The following CALN1 variants were observed in gnomAD, a reference collection of about 807,000 sequenced individuals.
CALN1 encodes calneuron 1.
Under a neutral mutation model 30.6 loss-of-function variants are expected in CALN1, and 17 were observed. The observed-to-expected ratio is 0.56, with a 90% CI of 0.38 to 0.83. The LOEUF (loss-of-function observed/expected upper bound fraction) is 0.83, where lower values mean the gene tolerates loss of function less well. Ranked by LOEUF, CALN1 falls within the 40% of genes least tolerant of loss-of-function variation. The probability of loss-of-function intolerance (pLI) is 0.00; values close to 1 mark genes in which losing one functional copy is unlikely to be tolerated. For missense variants in CALN1, 291 were observed against 354.9 expected (o/e 0.82, Z 1.45); for synonymous variants, 156 against 131.4 (o/e 1.19, Z -1.28).
chr7:72,499,834 TTTC>T, the CALN1 span, among the ~76,000 whole-genome samples: 52 of 29,246 alleles, frequency 1.8e-3, no homozygotes, highest in Middle Eastern at 0.012. Flanking sequence ...TCCTTCTTTC[TTTC>T]TTTCTTTCTT....
At chr7:72,337,433 C>G (rs1438634424) in intron 2 of CALN1, among the ~76,000 whole-genome samples, 2 of 152,158 alleles carry the variant, frequency 1.3e-5, no homozygotes, top group African/African-American at 4.8e-5. Context: ...CACACACACA[C>G]ACACACACGC....
intron 2 of CALN1, among the ~76,000 whole-genome samples, chr7:72,384,542 G>A (rs1211933914): frequency 6.6e-6 from 1 of 152,130 alleles, no homozygotes; most frequent in African/African-American, 2.4e-5. Context: ...GTTGACAGGG[G>A]AGGATTGCTT....
At chr7:72,413,199 A>ACT (rs888896046), upstream of CALN1, among the ~76,000 whole-genome samples, 9 of 145,122 alleles carry the variant, frequency 6.2e-5, no homozygotes, top group African/African-American at 2.4e-4. Context: ...GTGCCCACCC[A>ACT]CTCACACACA....
the CALN1 span, among the ~76,000 whole-genome samples, chr7:72,468,876 C>CA: frequency 6.6e-6 from 1 of 152,138 alleles, no homozygotes; most frequent in South Asian, 2.1e-4. Flanking sequence ...AATGCCTGTT[C>CA]AAATCCTTTG....
chr7:72,396,467 G>A (rs996592800), intron 2 of CALN1, among the ~76,000 whole-genome samples: 4 of 150,964 alleles, frequency 2.6e-5, no homozygotes, highest in African/African-American at 9.7e-5. Context: ...ATAGAGCAAT[G>A]TATGCAATTT....
intron 5 of CALN1, among the ~76,000 whole-genome samples, chr7:71,878,013 G>T (rs1034747884): frequency 6.6e-6 from 1 of 152,188 alleles, no homozygotes; most frequent in Non-Finnish European, 1.5e-5. Flanking sequence ...CAGTAAGTCT[G>T]GAGTGGAGCC....
At chr7:72,220,283 C>A (rs1238673896) in intron 3 of CALN1, among the ~76,000 whole-genome samples, 1 of 148,468 alleles carries the variant, frequency 6.7e-6, no homozygotes, top group East Asian at 2.0e-4. Flanking sequence ...TGAGTGAGAA[C>A]ATGTGGTGTT....
intron 5 of CALN1, among the ~76,000 whole-genome samples, chr7:71,839,389 C>T (rs529282704): frequency 3.9e-5 from 6 of 152,100 alleles, no homozygotes; most frequent in Admixed American, 6.5e-5. Context: ...AAAAGTAGCT[C>T]GGCATGGTGG....
rs1404658884 is a variant in CALN1, at chr7:71,781,032, AAG to A, written c.*6741_*6742del. ...TTCATTTACAGACAGCGGACACCAA[AAG>A]AGAGACTTTATCACAACTGCCTCTT... On this transcript the variant is annotated 3_prime_UTR_variant, in exon 7 of 7. Coordinates refer to ENST00000395275, the MANE Select transcript of CALN1 (RefSeq NM_031468.4). The A allele has an allele frequency of 1.6e-4, 24 of 152,204 alleles. No individual in the cohort carries two copies. The highest frequency in any genetic ancestry group is 5.8e-4 in the African/African-American group (24 of 41,444). The allele number at this position is 152,204 out of a possible 1,614,324, so 9.4% of individuals were successfully genotyped here. A position where few individuals can be genotyped will look rare whatever the true frequency, so the allele number is the denominator to read the frequency against.
chr7:72,335,838 C>A (rs1207912083), intron 2 of CALN1, among the ~76,000 whole-genome samples: 2 of 152,296 alleles, frequency 1.3e-5, no homozygotes, highest in Non-Finnish European at 1.5e-5. Flanking sequence ...GTACCCCCAG[C>A]CCGTCTGGAT....
chr7:72,268,835 T>C (rs927323200), intron 3 of CALN1, among the ~76,000 whole-genome samples: 1 of 98,376 alleles, frequency 1.0e-5, no homozygotes, highest in Admixed American at 1.0e-4. Context: ...ACAGAACTAA[T>C]TGTAACATAC....
chr7:72,131,544 C>T (rs557021983), intron 3 of CALN1, among the ~76,000 whole-genome samples: 3 of 152,258 alleles, frequency 2.0e-5, no homozygotes, highest in South Asian at 4.2e-4. Context: ...ATTCAATACC[C>T]GAACTGATTC....
intron 5 of CALN1, among the ~76,000 whole-genome samples, chr7:71,940,681 G>A (rs1796079440): frequency 6.6e-6 from 1 of 152,094 alleles, no homozygotes; most frequent in Admixed American, 6.6e-5. Context: ...TCAGCTCATT[G>A]CAACCTCCAC....
chr7:71,980,858 A>T (rs991205729), intron 5 of CALN1, among the ~76,000 whole-genome samples: 5 of 152,238 alleles, frequency 3.3e-5, no homozygotes, highest in African/African-American at 1.2e-4. Context: ...TGCCCCCTAC[A>T]AAATGAGACA....
At chr7:72,041,892 G>A (rs778949825) in intron 4 of CALN1, among the ~76,000 whole-genome samples, 2 of 152,144 alleles carry the variant, frequency 1.3e-5, no homozygotes, top group Non-Finnish European at 2.9e-5. Flanking sequence ...ACGTGGCTTT[G>A]CTCCTCCTTG....
chr7:71,887,719 C>G (rs1792998404), intron 5 of CALN1, among the ~76,000 whole-genome samples: 1 of 152,158 alleles, frequency 6.6e-6, no homozygotes, highest in South Asian at 2.1e-4. Flanking sequence ...ATTGAGGCAG[C>G]CACAGTGCAG....
At chr7:72,454,048 T>G in the CALN1 span, among the ~76,000 whole-genome samples, 1 of 151,776 alleles carries the variant, frequency 6.6e-6, no homozygotes, top group East Asian at 1.9e-4. Context: ...TTTGGGAGAA[T>G]TAAATGGAAT....
intron 3 of CALN1, among the ~76,000 whole-genome samples, chr7:72,141,755 G>C (rs748343215): frequency 1.1e-4 from 17 of 152,052 alleles, no homozygotes; most frequent in Non-Finnish European, 2.4e-4. Flanking sequence ...TTTTAGTAGA[G>C]ACAGGGTTTC....
intron 5 of CALN1, among the ~76,000 whole-genome samples, chr7:71,882,850 T>TTGTGTGTGTGTGTGTGTG (rs34870061): frequency 9.9e-5 from 13 of 130,970 alleles, no homozygotes; most frequent in African/African-American, 3.5e-4. Context: ...CCCATCTAAT[T>TTGTGTGTGTGTGTGTGTG]TGTGTGTGTG....
Sources: gnomAD v4.1 joint callset for allele counts (sites outside exome capture counted in the v4.1 genomes callset) on GRCh38, gnomAD v4.1.1 for gene constraint, MANE v1.5 for transcripts, NCBI Gene and HGNC (gene_info 2026-07-23, HGNC 2026-07-21) for gene names.